ZNF774: variants seen among roughly 807,000 people sequenced by gnomAD.
The protein encoded by ZNF774 is zinc finger protein 774.
Under a neutral mutation model 11.1 loss-of-function variants are expected in ZNF774, and 14 were observed. That is an observed-to-expected ratio of 1.26 (90% CI 0.83 to 1.97). The LOEUF (loss-of-function observed/expected upper bound fraction) is 1.97. Ranked by LOEUF, ZNF774 falls within the 30% of genes most tolerant of loss-of-function variation. The pLI, the probability that ZNF774 is intolerant of heterozygous loss-of-function variation, is 0.00. For synonymous variants in ZNF774, 195 were observed against 212.6 expected, an observed-to-expected ratio of 0.92 and a Z score of 0.72; for missense variants, 599 against 587.0, an observed-to-expected ratio of 1.02 and a Z score of -0.21.
rs543203125 is a variant in ZNF774 at position 90,360,017 on chromosome 15, C to G, written c.212-26C>G. The stretch of plus-strand genomic sequence containing the variant: ...CTTCCTGATAACTGATAACTTTATT[C>G]TCTGTTACTTACATTAATTTTTCAG... On this transcript the variant is annotated intron_variant, in intron 3 of 3. Transcript: ENST00000354377. 15 of 1,561,692 alleles carry G rather than the reference C, an allele frequency of 9.6e-6. No homozygotes were observed. The African/African-American group carries it at 1.6e-4, about 17-fold the overall frequency.
chr15:90,357,096 T>C (rs1485737549), intron 2 of ZNF774, among the ~76,000 whole-genome samples: 2 of 152,204 alleles, frequency 1.3e-5, no homozygotes, highest in African/African-American at 2.4e-5. Context: ...TTCTAAGGTA[T>C]TTAATACTTT....
chr15:90,355,218 T>C (rs1964227333), intron 2 of ZNF774: 1 of 448,416 alleles, frequency 2.2e-6, no homozygotes, highest in Non-Finnish European at 4.5e-6. Flanking sequence ...GTAAGATTAA[T>C]TGTTGCCTCC....
chr15:90,357,935 G>C (rs148575898), intron 2 of ZNF774, among the ~76,000 whole-genome samples: 1 of 144,422 alleles, frequency 6.9e-6, no homozygotes, highest in Admixed American at 7.4e-5. Flanking sequence ...TCTCTCTGTC[G>C]TCCAGGCTGG....
chr15:90,357,787 C>T (rs1363141607), intron 2 of ZNF774, among the ~76,000 whole-genome samples: 1 of 152,118 alleles, frequency 6.6e-6, no homozygotes, highest in Non-Finnish European at 1.5e-5. Flanking sequence ...GGACAGGCTG[C>T]TCTTAAACTC....
At chr15:90,355,945 C>A (rs542192286) in intron 2 of ZNF774, among the ~76,000 whole-genome samples, 5 of 144,852 alleles carry the variant, frequency 3.5e-5, no homozygotes, top group African/African-American at 1.3e-4. Context: ...AGGAGAACAG[C>A]GTGAACTGGG....
intron 1 of ZNF774, among the ~76,000 whole-genome samples, 174 bp downstream of exon 1, chr15:90,352,585 G>A (rs1964188348): frequency 6.6e-6 from 1 of 152,194 alleles, no homozygotes; most frequent in African/African-American, 2.4e-5. Context: ...TACCGTCGGC[G>A]GGATAAGTCA....
intron 3 of ZNF774, among the ~76,000 whole-genome samples, chr15:90,359,367 C>T (rs115450666): frequency 0.033 from 5,062 of 151,564 alleles, 157 homozygotes; most frequent in East Asian, 0.091. Context: ...CCACCGCGCC[C>T]GGCCACTAGC....
At chr15:90,354,615 G>T (rs185746762) in intron 1 of ZNF774, 27 bp from the exon 2 acceptor site, 1 of 1,438,458 alleles carries the variant, frequency 7.0e-7, no homozygotes, top group Admixed American at 1.9e-5. Flanking sequence ...GGGAGCTACT[G>T]ATGCACATTG....
Position 90,360,921 on chromosome 15 carries a change from A to AC in ZNF774, c.1091dup (p.His365AlafsTer8). The AC allele has an allele frequency of 6.2e-7, 1 of 1,614,192 alleles. No individual in the cohort carries two copies. Among genetic ancestry groups the AC allele is most frequent in the East Asian group, 2.2e-5 (1 of 44,886 alleles). ...CTTCAGTCAGAGCTCACATTTGGTC[A>AC]CGCACCAAAGAACACACACAGGTGA... On this transcript the variant is annotated frameshift_variant, in exon 4 of 4. Coordinates refer to ENST00000354377, the MANE Select transcript of ZNF774 (RefSeq NM_001004309.3). LOFTEE classifies it low-confidence loss of function (END_TRUNC).
Position 90,360,547 on chromosome 15 carries a change from A to G in ZNF774, c.716A>G (p.Glu239Gly), listed in dbSNP as rs780005739. The G allele has an allele frequency of 1.9e-6, 3 of 1,614,022 alleles. No individual in the cohort carries two copies. Among genetic ancestry groups the G allele is most frequent in the East Asian group, 4.5e-5 (2 of 44,878 alleles). The change falls in exon 4 of 4, where the codon GAG becomes GGG. Residue 239 changes from glutamate to glycine, a missense_variant. Transcript: ENST00000354377. The stretch of plus-strand genomic sequence containing the variant: ...GGGGAGAGACCCTATGAGTGCCCAG[A>G]GTGTGGAAAGACTTTTGGGCGGAAG... ...HTGERPYECP[E>G]CGKTFGRKPH...
chr15:90,354,471 T>C (rs1964216703), intron 1 of ZNF774, 171 bp from the exon 2 acceptor site: 2 of 575,254 alleles, frequency 3.5e-6, no homozygotes, highest in Non-Finnish European at 6.1e-6. Flanking sequence ...AAGACGTATG[T>C]AAAAACAGAC....
Position 90,362,284 on chromosome 15 carries a change from G to A in ZNF774, c.*1001G>A. Reference sequence around the variant, plus strand: ...CTTGGAGGCTGAAAGAATTTCAGAAGCTCTTTTAAATGGCAGTGTATGGCA... The same window carrying A: ...CTTGGAGGCTGAAAGAATTTCAGAAACTCTTTTAAATGGCAGTGTATGGCA... On this transcript the variant is annotated 3_prime_UTR_variant, in exon 4 of 4. Transcript: ENST00000354377. 2 of 390,624 alleles carry A rather than the reference G, an allele frequency of 5.1e-6. No individual in the cohort carries two copies. Among genetic ancestry groups the A allele is most frequent in the Non-Finnish European group, 9.3e-6 (2 of 214,302 alleles). 24.2% of individuals were successfully genotyped at this position (390,624 alleles called of 1,614,324 possible).
In ZNF774 at chr15:90,361,245, G is replaced by A. The variant is rs765331603; in HGVS notation, c.1414G>A (p.Ala472Thr). ...SKCNKSFRQK[A>T]HLLCHQNTHL... The stretch of plus-strand genomic sequence containing the variant: ...ATGTAACAAGAGCTTCCGTCAGAAA[G>A]CGCATCTTTTATGCCATCAAAACAC... The change falls in exon 4 of 4, where the codon GCG becomes ACG. Residue 472 changes from alanine (A) to threonine (T), a missense_variant. Coordinates refer to ENST00000354377, the MANE Select transcript of ZNF774 (RefSeq NM_001004309.3). 1.9e-6 allele frequency: 3 copies of A among 1,610,666 alleles called. No individual in the cohort carries two copies. The South Asian group carries it at 3.3e-5, about 18-fold the overall frequency.
In ZNF774 at chr15:90,360,756, C is replaced by A; in HGVS notation, c.925C>A (p.His309Asn). 1.2e-6 allele frequency: 2 copies of A among 1,614,154 alleles called. No homozygotes were observed. Among genetic ancestry groups the A allele is most frequent in the Non-Finnish European group, 8.5e-7 (1 of 1,180,016 alleles). The change falls in exon 4 of 4, where the codon CAC becomes AAC. Residue 309 changes from histidine (H) to asparagine (N), a missense_variant. His to Asn is a moderately conservative substitution (Grantham distance 68). Coordinates refer to ENST00000354377, the MANE Select transcript of ZNF774 (RefSeq NM_001004309.3). ...TAGCCAGAGCTCGGATTTGATTAAG[C>A]ACCAACGAACCCACACGGGAGAACG... ...SFSQSSDLIK[H>N]QRTHTGERPF...
chr15:90,354,749 A>C lies in ZNF774; in HGVS notation c.89A>C (p.Glu30Ala). The C allele has an allele frequency of 6.2e-7, 1 of 1,611,986 alleles. No individual in the cohort carries two copies. The highest frequency in any genetic ancestry group is 8.5e-7 in the Non-Finnish European group (1 of 1,178,996). Reference sequence around the variant, plus strand: ...GAATGCCACCCAGCACAGTTAGAAGAATGGGCTCTCAAAGGGTAAGAATGC... The same window carrying C: ...GAATGCCACCCAGCACAGTTAGAAGCATGGGCTCTCAAAGGGTAAGAATGC... ...LQECHPAQLE[E>A]WALKGISRPS... The change falls in exon 2 of 4, where the codon GAA becomes GCA. Residue 30 changes from glutamate to alanine, a missense_variant. Coordinates refer to ENST00000354377, the MANE Select transcript of ZNF774 (RefSeq NM_001004309.3).
chr15:90,355,463 G>T (rs990126856), intron 2 of ZNF774: 1 of 455,730 alleles, frequency 2.2e-6, no homozygotes, highest in Non-Finnish European at 4.4e-6. Context: ...AGTGGCTCAC[G>T]CCTGTAATCC....
intron 1 of ZNF774, among the ~76,000 whole-genome samples, chr15:90,353,113 G>A (rs1320390073): frequency 6.6e-6 from 1 of 151,940 alleles, no homozygotes; most frequent in Admixed American, 6.6e-5. Flanking sequence ...GATTACAGGC[G>A]TGTGCCACCA....
At position 90,358,845 on chromosome 15, in the gene ZNF774, G is replaced by A. The variant is rs1191448417; in HGVS notation, c.105-6G>A. ...ACTCACATCCTATGTTTACATTCCT[G>A]TGTAGAATTTCCAGGCCTAGTGTAA... is the stretch of plus-strand genomic sequence containing the variant. On this transcript the variant is annotated splice_region_variant and splice_polypyrimidine_tract_variant and intron_variant, in intron 2 of 3. Coordinates refer to ENST00000354377, the MANE Select transcript of ZNF774 (RefSeq NM_001004309.3). 1 of 1,611,050 alleles carries A rather than the reference G, an allele frequency of 6.2e-7. No individual in the cohort carries two copies.
chr15:90,353,867 C>T (rs1284281414), intron 1 of ZNF774, among the ~76,000 whole-genome samples: 6 of 152,096 alleles, frequency 3.9e-5, no homozygotes, highest in Admixed American at 3.9e-4. Flanking sequence ...CTATGTGACT[C>T]CTATGCCTGG....
Sources: allele counts gnomAD v4.1 joint callset (sites outside exome capture counted in the v4.1 genomes callset), GRCh38; gene constraint gnomAD v4.1.1; transcripts MANE v1.5; gene names NCBI Gene and HGNC (gene_info 2026-07-23, HGNC 2026-07-21).